The following OTOG variants were observed in gnomAD, a reference collection of about 807,000 sequenced individuals.
The protein encoded by OTOG is otogelin.
OTOG carries 296 observed loss-of-function variants against 313.8 expected under a neutral mutation model. That is an observed-to-expected ratio of 0.94 (90% CI 0.86 to 1.04). The LOEUF (loss-of-function observed/expected upper bound fraction) is 1.04, where lower values mean the gene tolerates loss of function less well. OTOG is among the 50% of genes least tolerant of loss of function. OTOG has a pLI of 0.00. For missense variants in OTOG, 3,948 were observed against 3,840.1 expected (o/e 1.03, Z -0.74); for synonymous variants, 1,533 against 1,554.9 (o/e 0.99, Z 0.33).
At chr11:17,599,910 T>C (rs1021960076) in intron 31 of OTOG, among the ~76,000 whole-genome samples, 2 of 152,062 alleles carry the variant, frequency 1.3e-5, no homozygotes, top group African/African-American at 2.4e-5. Flanking sequence ...GCAGCCCCTG[T>C]CCGGGGCCCA....
At chr11:17,555,440 C>A (rs182752397) in intron 6 of OTOG, among the ~76,000 whole-genome samples, 124 of 152,154 alleles carry the variant, frequency 8.1e-4, no homozygotes, top group African/African-American at 2.8e-3. Flanking sequence ...GGCCTTCAAT[C>A]TGATGGTATT....
At chr11:17,560,988 T>C in intron 13 of OTOG, 103 bp from the exon 14 acceptor site, 2 of 1,363,618 alleles carry the variant, frequency 1.5e-6, no homozygotes, top group Non-Finnish European at 2.0e-6. Context: ...CTACCACCCA[T>C]TTTAGAGATG....
chr11:17,620,969 A>G (rs962201707), intron 39 of OTOG, among the ~76,000 whole-genome samples: 1 of 152,220 alleles, frequency 6.6e-6, no homozygotes, highest in African/African-American at 2.4e-5. Context: ...TATATCATGA[A>G]CATCTCACCT....
In OTOG at chr11:17,634,878, C is replaced by A. The variant is rs1186414498; in HGVS notation, c.7515C>A (p.Pro2505=). ...AGACTCTGTGTGAGGGTCTCGCCCC[C>A]ACATGCCGCCCAGGCCACCGCCTCC... ...CNQTLCEGLA[P]TCRPGHRLLT... is the part of the protein sequence containing the mutation. The change falls in exon 45 of 56, where the codon CCC becomes CCA. Residue 2505 remains proline, a synonymous_variant. Transcript: ENST00000399397. 5 of 1,549,242 alleles carry A rather than the reference C, an allele frequency of 3.2e-6. No individual in the cohort carries two copies. Among genetic ancestry groups the A allele is most frequent in the Non-Finnish European group, 4.4e-6 (5 of 1,146,718 alleles).
Position 17,609,951 on chromosome 11 carries a change from A to G in OTOG, c.4651A>G (p.Ser1551Gly). The change falls in exon 36 of 56, where the codon AGC becomes GGC. Residue 1551 changes from serine to glycine, a missense_variant. Ser to Gly is a moderately conservative substitution (Grantham distance 56, BLOSUM62 0). Transcript: ENST00000399397. Reference sequence around the variant, plus strand: ...CGCCGGCCCCACGGAGTCCCCAGCCAGCAAGGGAGTGACTGCCAGCCTCCT... The same window carrying G: ...CGCCGGCCCCACGGAGTCCCCAGCCGGCAAGGGAGTGACTGCCAGCCTCCT... ...LPAGPTESPA[S>G]KGVTASLLAI... 6.5e-7 allele frequency: 1 copy of G among 1,541,916 alleles called. No homozygotes were observed. Among genetic ancestry groups the G allele is most frequent in the South Asian group, 1.2e-5 (1 of 82,558 alleles).
chr11:17,608,926 G>A (rs1853456025), intron 34 of OTOG, among the ~76,000 whole-genome samples: 1 of 152,226 alleles, frequency 6.6e-6, no homozygotes, highest in South Asian at 2.1e-4. Context: ...GTGCAGGAGT[G>A]TGCCGCATAC....
Position 17,634,886 on chromosome 11 carries a change from GC to G in OTOG, c.7526del (p.Pro2509GlnfsTer41). ...TLCEGLAPTC[R>X]PGHRLLTHFQ... is the part of the protein sequence containing the mutation. ...TGTGAGGGTCTCGCCCCCACATGCC[GC>G]CCAGGCCACCGCCTCCTCACCCACT... is the stretch of plus-strand genomic sequence containing the variant. On this transcript the variant is annotated frameshift_variant, in exon 45 of 56. Coordinates refer to ENST00000399397, the MANE Select transcript of OTOG (RefSeq NM_001292063.2). LOFTEE classifies it high-confidence loss of function. The G allele has an allele frequency of 7.0e-7, 1 of 1,428,560 alleles. No homozygotes were observed. The highest frequency in any genetic ancestry group is 9.3e-7 in the Non-Finnish European group (1 of 1,071,474). 88.5% of individuals were successfully genotyped at this position (1,428,560 alleles called of 1,614,324 possible).
intron 28 of OTOG, 101 bp from the exon 29 acceptor site, chr11:17,595,936 AG>A (rs2134065065): frequency 2.6e-6 from 2 of 778,006 alleles, no homozygotes; most frequent in South Asian, 3.2e-5. Flanking sequence ...CCTGAATATC[AG>A]GGGGCAAGGA....
chr11:17,561,526 A>C, intron 14 of OTOG, 136 bp from the exon 15 acceptor site: 1 of 909,966 alleles, frequency 1.1e-6, no homozygotes, highest in Non-Finnish European at 1.7e-6. Context: ...CAGGGCTCTC[A>C]GGGGCCAGGC....
intron 31 of OTOG, among the ~76,000 whole-genome samples, chr11:17,599,991 T>TA (rs1490280072): frequency 6.6e-6 from 1 of 152,186 alleles, no homozygotes; most frequent in East Asian, 1.9e-4. Context: ...CATTCTCACT[T>TA]ATGTGCCAGC....
At chr11:17,641,523 C>T (rs1442739197) in intron 51 of OTOG, among the ~76,000 whole-genome samples, 1 of 152,110 alleles carries the variant, frequency 6.6e-6, no homozygotes, top group Non-Finnish European at 1.5e-5. Context: ...GAGGAGAAAA[C>T]TGAGGCTTAG....
chr11:17,590,732 A>G (rs554051841), intron 24 of OTOG, among the ~76,000 whole-genome samples: 2 of 150,972 alleles, frequency 1.3e-5, no homozygotes, highest in Non-Finnish European at 3.0e-5. Flanking sequence ...TTCCTCTTCT[A>G]CTCTCTTGCC....
At chr11:17,585,918 A>C (rs1852783352) in intron 23 of OTOG, among the ~76,000 whole-genome samples, 1 of 152,234 alleles carries the variant, frequency 6.6e-6, no homozygotes, top group South Asian at 2.1e-4. Flanking sequence ...TTATTGCCAA[A>C]GTTTGTATTC....
At chr11:17,574,517 C>T (rs75655807) in intron 19 of OTOG, among the ~76,000 whole-genome samples, 1 of 152,284 alleles carries the variant, frequency 6.6e-6, no homozygotes, top group East Asian at 1.9e-4. Flanking sequence ...GCTGCTTTGC[C>T]GTTCCAGTGT....
Position 17,599,716 on chromosome 11 carries a change from C to T in OTOG, c.3709+19C>T, listed in dbSNP as rs78811392. ...AACAAAGGTAAGCCCCTCCTCCCCA[C>T]GCAGAGTCTCAGGGGCTCAGGCACT... On this transcript the variant is annotated intron_variant, in intron 31 of 55. Transcript: ENST00000399397. The T allele has an allele frequency of 4.8e-4, 739 of 1,550,032 alleles. 5 individuals are homozygous for T. The African/African-American group carries it at 9.4e-3, about 20-fold the overall frequency.
At chr11:17,613,210 T>TCTTC (rs1853622824) in intron 38 of OTOG, among the ~76,000 whole-genome samples, 1 of 117,874 alleles carries the variant, frequency 8.5e-6, no homozygotes, top group Non-Finnish European at 1.7e-5. Context: ...TTTCTTTCTT[T>TCTTC]CTTTCTTTCT....
At chr11:17,630,560 A>G (rs1854097520) in intron 40 of OTOG, among the ~76,000 whole-genome samples, 1 of 152,224 alleles carries the variant, frequency 6.6e-6, no homozygotes, top group East Asian at 1.9e-4. Flanking sequence ...TTGAATGAAC[A>G]TTTGACAGCT....
intron 4 of OTOG, among the ~76,000 whole-genome samples, chr11:17,552,602 C>T (rs534841118): frequency 6.6e-6 from 1 of 152,060 alleles, no homozygotes; most frequent in African/African-American, 2.4e-5. Flanking sequence ...TGTCCTGTGT[C>T]CCCCACCTGT....
chr11:17,555,860 A>G lies in OTOG; in HGVS notation c.622A>G (p.Ile208Val). Residue 208 changes from isoleucine to valine, a missense_variant, in exon 7 of 56, where the codon ATC (isoleucine) becomes GTC (valine). By Grantham distance (29) the Ile-to-Val change is conservative (BLOSUM62 3). Transcript: ENST00000399397. ...VSLFFVGEQE[I>V]HLAKEVTHGG... ...CCTCTTCTTTGTGGGTGAGCAGGAGATCCATCTGGCCAAGGAGGTCACCCA... is the reference window on the plus strand; with the variant it reads ...CCTCTTCTTTGTGGGTGAGCAGGAGGTCCATCTGGCCAAGGAGGTCACCCA... 1.9e-6 allele frequency: 3 copies of G among 1,551,034 alleles called. No individual in the cohort carries two copies. Among genetic ancestry groups the G allele is most frequent in the Non-Finnish European group, 2.6e-6 (3 of 1,147,098 alleles).
Sources: gnomAD v4.1 joint callset for allele counts (sites outside exome capture counted in the v4.1 genomes callset) on GRCh38, gnomAD v4.1.1 for gene constraint, MANE v1.5 for transcripts, NCBI Gene and HGNC (gene_info 2026-07-23, HGNC 2026-07-21) for gene names.